GSE1: variants seen among roughly 807,000 people sequenced by gnomAD.
The protein encoded by GSE1 is genetic suppressor element 1.
In GSE1, 32 loss-of-function variants were observed where a neutral mutation model predicts 112.6. The observed-to-expected ratio is 0.28, with a 90% CI of 0.21 to 0.38. GSE1 has a LOEUF of 0.38. Ranked by LOEUF, GSE1 falls within the 10% of genes least tolerant of loss-of-function variation. The pLI is 1.00. For missense variants in GSE1, 2,348 were observed against 1,699.2 expected, an observed-to-expected ratio of 1.38 and a Z score of -6.71; for synonymous variants, 1,115 against 735.6, an observed-to-expected ratio of 1.52 and a Z score of -8.35.
intron 1 of GSE1, among the ~76,000 whole-genome samples, chr16:85,320,974 TCACTCCA>T (rs2046095031): frequency 6.6e-6 from 1 of 152,196 alleles, no homozygotes; most frequent in South Asian, 2.1e-4. Context: ...CACACTCCCG[TCACTCCA>T]GTCTTATTTA....
At chr16:85,652,554 C>CGGA (rs1043695978) in intron 3 of GSE1, among the ~76,000 whole-genome samples, 1 of 152,032 alleles carries the variant, frequency 6.6e-6, no homozygotes, top group South Asian at 2.1e-4. Context: ...CAGGCGGCGG[C>CGGA]GGCGGCGGCG....
At chr16:85,618,810 G>A (rs1319598250) in intron 1 of GSE1, among the ~76,000 whole-genome samples, 1 of 152,216 alleles carries the variant, frequency 6.6e-6, no homozygotes, top group East Asian at 1.9e-4. Flanking sequence ...GATGCGTGCC[G>A]CGACACCTGG....
chr16:85,395,954 C>G (rs185386233), intron 2 of GSE1, among the ~76,000 whole-genome samples: 144 of 152,356 alleles, frequency 9.5e-4, no homozygotes, highest in African/African-American at 3.4e-3. Context: ...AGCCCACAGC[C>G]CTGTCCCCCG....
Position 85,657,304 on chromosome 16 carries a change from C to T in GSE1, c.1340C>T (p.Ala447Val), listed in dbSNP as rs1403233941. 1.9e-6 allele frequency: 3 copies of T among 1,575,904 alleles called. No homozygotes were observed. Among genetic ancestry groups the T allele is most frequent in the African/African-American group, 1.4e-5 (1 of 73,340 alleles). Residue 447 changes from alanine to valine, a missense_variant, in exon 8 of 16, where the codon GCG becomes GTG. Physicochemically the swap from Ala to Val is moderately conservative, Grantham distance 64 (BLOSUM62 0). Coordinates refer to ENST00000253458, the MANE Select transcript of GSE1 (RefSeq NM_014615.5). ...AAGCTGAAGGATGCCGGCCTGCAGG[C>T]GCCCAAGCCCGTCCAACACCCCTTG... is the stretch of plus-strand genomic sequence containing the variant. ...AEKLKDAGLQ[A>V]PKPVQHPLHP...
At chr16:85,609,053 T>C (rs1227409091), upstream of GSE1, among the ~76,000 whole-genome samples, 1 of 152,150 alleles carries the variant, frequency 6.6e-6, no homozygotes, top group African/African-American at 2.4e-5. Flanking sequence ...CTTAGTGAGG[T>C]TGTGACAGTC....
At chr16:85,230,015 C>T (rs1040010498) in intron 1 of GSE1, among the ~76,000 whole-genome samples, 5 of 152,182 alleles carry the variant, frequency 3.3e-5, no homozygotes, top group Admixed American at 1.3e-4. Context: ...GCTCTGGGAA[C>T]GTTATCTGCC....
chr16:85,312,207 G>GGT lies in GSE1; in HGVS notation c.2284-45255_2284-45254insTG, dbSNP rs1006115365. ...TGTGGTCTCTCTGATCCTCTTGCGG[G>GGT]GGGGGGGGGGACACACTTACCCCCA... is the stretch of plus-strand genomic sequence containing the variant. On this transcript the variant is annotated intron_variant, in intron 1 of 2. Coordinates refer to the GSE1 transcript ENST00000637419. Among the ~76,000 whole-genome samples the GGT allele has an allele frequency of 2.8e-3, 421 of 150,314 alleles. 58 individuals are homozygous for GGT. The highest frequency in any genetic ancestry group is 9.9e-3 in the African/African-American group (401 of 40,414).
At chr16:85,613,139 C>A, upstream of GSE1, 1 of 1,259,276 alleles carries the variant, frequency 7.9e-7, no homozygotes, top group Non-Finnish European at 1.0e-6. Flanking sequence ...TGAAACCCGA[C>A]ACCTCCCGCT....
chr16:85,527,097 T>G (rs924498274), intron 2 of GSE1, among the ~76,000 whole-genome samples: 3 of 152,250 alleles, frequency 2.0e-5, no homozygotes, highest in Non-Finnish European at 2.9e-5. Flanking sequence ...GATGAGGCCG[T>G]GGACTGCGCC....
intron 2 of GSE1, among the ~76,000 whole-genome samples, chr16:85,371,088 G>A (rs139186419): frequency 1.6e-3 from 238 of 152,274 alleles, no homozygotes; most frequent in African/African-American, 5.0e-3. Flanking sequence ...GGAGGGAGCC[G>A]GAGGCGTCCT....
intron 1 of GSE1, among the ~76,000 whole-genome samples, chr16:85,221,648 C>T (rs1319782347): frequency 6.6e-6 from 1 of 152,214 alleles, no homozygotes; most frequent in Non-Finnish European, 1.5e-5. Flanking sequence ...GACGTGCCGC[C>T]TGAATGGTCT....
intron 2 of GSE1, among the ~76,000 whole-genome samples, chr16:85,513,092 G>C (rs2051802353): frequency 6.6e-6 from 1 of 152,158 alleles, no homozygotes; most frequent in Non-Finnish European, 1.5e-5. Flanking sequence ...CCATCACTCT[G>C]CTCTGTGGTC....
chr16:85,384,260 G>A (rs933023306), intron 2 of GSE1, among the ~76,000 whole-genome samples: 1 of 152,188 alleles, frequency 6.6e-6, no homozygotes, highest in Non-Finnish European at 1.5e-5. Context: ...AAACACACGT[G>A]CCTTGCTCTG....
chr16:85,567,161 G>A (rs1038330226), intron 1 of GSE1, among the ~76,000 whole-genome samples: 1 of 151,838 alleles, frequency 6.6e-6, no homozygotes. Flanking sequence ...ACAGGGTGCC[G>A]GCCTGTCGGT....
At chr16:85,624,301 C>T (rs896468814) in intron 1 of GSE1, among the ~76,000 whole-genome samples, 6 of 152,312 alleles carry the variant, frequency 3.9e-5, no homozygotes, top group Admixed American at 1.3e-4. Context: ...CCCACAGGAG[C>T]AGGTGCAATG....
At position 85,589,109 on chromosome 16, in the gene GSE1, C is replaced by G. The variant is rs1269145454; in HGVS notation, c.37+32746C>G. Among the ~76,000 whole-genome samples, 7 of 152,194 alleles carry G rather than the reference C, an allele frequency of 4.6e-5. No individual in the cohort carries two copies. In the East Asian group the frequency reaches 1.3e-3, roughly 29 times the overall value. On this transcript the variant is annotated intron_variant, in intron 1 of 2. Transcript: ENST00000635906. ...ATCCCCGTGTACCCGCCTCTCCCCT[C>G]CCTCCCTCCTCTCTGCCCAGCTGGG...
intron 2 of GSE1, among the ~76,000 whole-genome samples, chr16:85,496,900 G>GTTTT (rs68076025): frequency 2.0e-5 from 3 of 147,042 alleles, no homozygotes; most frequent in Non-Finnish European, 4.5e-5. Context: ...CTGGGTCTTT[G>GTTTT]TTGTTTTTTT....
At chr16:85,430,880 T>C (rs895735844) in intron 2 of GSE1, among the ~76,000 whole-genome samples, 4 of 152,198 alleles carry the variant, frequency 2.6e-5, no homozygotes, top group Non-Finnish European at 4.4e-5. Context: ...TCTCAGACAC[T>C]GCAGGTCAGC....
At chr16:85,194,954 G>A (rs1268460974) in intron 1 of GSE1, among the ~76,000 whole-genome samples, 1 of 152,086 alleles carries the variant, frequency 6.6e-6, no homozygotes, top group Non-Finnish European at 1.5e-5. Context: ...AGCCAGGGCC[G>A]GTCGTGAGGC....
Sources: allele counts gnomAD v4.1 joint callset (sites outside exome capture counted in the v4.1 genomes callset), GRCh38; gene constraint gnomAD v4.1.1; transcripts MANE v1.5; gene names NCBI Gene and HGNC (gene_info 2026-07-23, HGNC 2026-07-21).